KIAA1958: variants seen among roughly 807,000 people sequenced by gnomAD.
KIAA1958 encodes the protein uncharacterized protein KIAA1958.
KIAA1958 carries 14 observed loss-of-function variants against 47.2 expected under a neutral mutation model. The observed-to-expected ratio is 0.30, with a 90% confidence interval of 0.20 to 0.46. The LOEUF (loss-of-function observed/expected upper bound fraction) is 0.46, where lower values mean the gene tolerates loss of function less well. Among genes scored for constraint, KIAA1958 ranks in the 20% least tolerant of loss-of-function variants. KIAA1958 has a pLI of 1.00. For synonymous variants in KIAA1958, 354 were observed against 353.3 expected (o/e 1.00, Z -0.02); for missense variants, 803 against 909.2 (o/e 0.88, Z 1.50).
At position 112,569,322 on chromosome 9, in the gene KIAA1958, A is replaced by T. The variant is rs1835490614; in HGVS notation, c.-24-4735A>T. Among the ~76,000 whole-genome samples, 2 of 152,240 alleles carry T rather than the reference A, an allele frequency of 1.3e-5. 1 individual carries two copies. Among genetic ancestry groups the T allele is most frequent in the Admixed American group, 1.3e-4 (2 of 15,278 alleles). On this transcript the variant is annotated intron_variant, in intron 1 of 3. Coordinates refer to ENST00000337530, the MANE Select transcript of KIAA1958 (RefSeq NM_133465.4). ...AAATTTGGCAGAAGCAATACTGGTG[A>T]TGAAACAGCAACACCATTGCATTAA... is the stretch of plus-strand genomic sequence containing the variant.
In KIAA1958 at chr9:112,665,414, T is replaced by A. The variant is rs1288613608; in HGVS notation, c.*5345T>A. On this transcript the variant is annotated 3_prime_UTR_variant, in exon 4 of 4. Coordinates refer to ENST00000337530, the MANE Select transcript of KIAA1958 (RefSeq NM_133465.4). ...TTATTTCCATTTTACTTATTGAGAA[T>A]CTAGGCTCAGAGGAGTTAAAATTCT... 6.6e-6 allele frequency: 1 copy of A among 152,204 alleles called. No individual in the cohort carries two copies. The highest frequency in any genetic ancestry group is 1.5e-5 in the Non-Finnish European group (1 of 68,032). The allele number at this position is 152,204 out of a possible 1,614,324, so 9.4% of individuals were successfully genotyped here.
chr9:112,499,412 A>G (rs1834096599), intron 1 of KIAA1958, among the ~76,000 whole-genome samples: 1 of 152,208 alleles, frequency 6.6e-6, no homozygotes, highest in African/African-American at 2.4e-5. Context: ...CTACCTTCAC[A>G]GCATTTTAAG....
chr9:112,609,087 G>T (rs1033264396), intron 2 of KIAA1958, among the ~76,000 whole-genome samples: 2 of 152,156 alleles, frequency 1.3e-5, no homozygotes, highest in African/African-American at 4.8e-5. Flanking sequence ...ACAGAAAGAG[G>T]AGCTGAGCAA....
intron 1 of KIAA1958, among the ~76,000 whole-genome samples, chr9:112,552,637 A>G (rs754711607): frequency 2.0e-5 from 3 of 152,252 alleles, no homozygotes; most frequent in Non-Finnish European, 2.9e-5. Flanking sequence ...AATCATCAAC[A>G]TAGTGAATTT....
chr9:112,618,647 G>A lies in KIAA1958; in HGVS notation c.1172-27003G>A. 6.4e-7 allele frequency: 1 copy of A among 1,550,726 alleles called. No individual in the cohort carries two copies. Among genetic ancestry groups the A allele is most frequent in the Non-Finnish European group, 8.7e-7 (1 of 1,147,014 alleles). ...CATCAAGCCAGTCGTGAACCTGGCG[G>A]CTCTGCATTGGTACAACTGCCAGGC... On this transcript the variant is annotated intron_variant, in intron 2 of 3. Transcript: ENST00000337530. This position sits in a 1 kb window ranked among gnomAD's most constrained non-coding sequence, Gnocchi z 7.1.
At chr9:112,559,647 A>G (rs1275085950) in intron 1 of KIAA1958, among the ~76,000 whole-genome samples, 1 of 152,214 alleles carries the variant, frequency 6.6e-6, no homozygotes, top group African/African-American at 2.4e-5. Context: ...TGTATTTTCA[A>G]GCATCGGGGA....
intron 1 of KIAA1958, among the ~76,000 whole-genome samples, chr9:112,491,583 A>G (rs1485774502): frequency 1.3e-5 from 2 of 151,244 alleles, no homozygotes; most frequent in East Asian, 3.9e-4. Flanking sequence ...TTTTTCCTTA[A>G]GAAACCTGCA....
At chr9:112,610,905 G>A (rs919905886) in intron 2 of KIAA1958, among the ~76,000 whole-genome samples, 33 of 151,920 alleles carry the variant, frequency 2.2e-4, no homozygotes, top group Non-Finnish European at 7.4e-5. Context: ...CAAGCAAGTG[G>A]GATTCATAAC....
intron 2 of KIAA1958, among the ~76,000 whole-genome samples, chr9:112,583,520 AG>A (rs1362693975): frequency 1.3e-5 from 2 of 152,224 alleles, no homozygotes; most frequent in African/African-American, 2.4e-5. Flanking sequence ...AGATATGTAC[AG>A]GGGTCTACAG....
chr9:112,653,790 C>T lies in KIAA1958; in HGVS notation c.1345-5473C>T, dbSNP rs542447460. 8.5e-5 allele frequency among the ~76,000 whole-genome samples: 13 copies of T among 152,268 alleles called. No homozygotes were observed. The South Asian group carries it at 2.3e-3, about 27-fold the overall frequency. On this transcript the variant is annotated intron_variant, in intron 3 of 3. Transcript: ENST00000337530. Reference sequence around the variant, plus strand: ...TGGTATGCATCTGTAATCCCAGCTACTCAGGAGGTTGAGGCAAGAGAATCG... The same window carrying T: ...TGGTATGCATCTGTAATCCCAGCTATTCAGGAGGTTGAGGCAAGAGAATCG...
chr9:112,635,892 C>CT (rs1328028812), intron 2 of KIAA1958, among the ~76,000 whole-genome samples: 1 of 151,518 alleles, frequency 6.6e-6, no homozygotes, highest in Non-Finnish European at 1.5e-5. Flanking sequence ...CTTCCTTCTA[C>CT]TTTTTTGGAT....
Position 112,575,139 on chromosome 9 carries a change from T to C in KIAA1958, c.1059T>C (p.Cys353=). 6.2e-7 allele frequency: 1 copy of C among 1,603,154 alleles called. No individual in the cohort carries two copies. The highest frequency in any genetic ancestry group is 8.5e-7 in the Non-Finnish European group (1 of 1,179,890). ...LSHLPSQVSS[C]EVALSPSVNT... ...ATCTGCCCAGCCAGGTCTCCTCCTG[T>C]GAGGTAGCCCTTTCTCCCTCAGTTA... Residue 353 remains cysteine, a synonymous_variant, in exon 2 of 4, where the codon TGT becomes TGC. Coordinates refer to ENST00000337530, the MANE Select transcript of KIAA1958 (RefSeq NM_133465.4).
chr9:112,511,607 C>T (rs1464133313), intron 1 of KIAA1958, among the ~76,000 whole-genome samples: 1 of 152,102 alleles, frequency 6.6e-6, no homozygotes, highest in Non-Finnish European at 1.5e-5. Context: ...AACTCAATGA[C>T]CTCAGGTTTT....
At chr9:112,552,101 T>C (rs545239901) in intron 1 of KIAA1958, among the ~76,000 whole-genome samples, 22 of 152,332 alleles carry the variant, frequency 1.4e-4, no homozygotes, top group Admixed American at 5.9e-4. Flanking sequence ...TGACAGCTTT[T>C]GCCTCATCAT....
intron 1 of KIAA1958, among the ~76,000 whole-genome samples, chr9:112,570,782 T>C (rs1376298153): frequency 2.0e-5 from 3 of 152,228 alleles, no homozygotes; most frequent in Non-Finnish European, 4.4e-5. Flanking sequence ...CATGCGATTA[T>C]GTGGCTGAGA....
At chr9:112,558,174 G>T (rs765775544) in intron 1 of KIAA1958, among the ~76,000 whole-genome samples, 15 of 151,946 alleles carry the variant, frequency 9.9e-5, no homozygotes, top group Non-Finnish European at 1.9e-4. Context: ...ACAGTGAACC[G>T]AGATCGCGCC....
At chr9:112,556,555 C>T (rs761055594) in intron 1 of KIAA1958, among the ~76,000 whole-genome samples, 6 of 152,110 alleles carry the variant, frequency 3.9e-5, no homozygotes, top group Non-Finnish European at 5.9e-5. Context: ...GGCTGTTCTC[C>T]ACCTCCTGTC....
intron 2 of KIAA1958, among the ~76,000 whole-genome samples, chr9:112,615,286 G>A (rs2131214105): frequency 6.6e-6 from 1 of 152,066 alleles, no homozygotes; most frequent in Middle Eastern, 3.4e-3. Flanking sequence ...CAGGCATGAT[G>A]GCGGGTGCCT....
chr9:112,499,055 G>A (rs929837989), intron 1 of KIAA1958, among the ~76,000 whole-genome samples: 1 of 152,176 alleles, frequency 6.6e-6, no homozygotes, highest in South Asian at 2.1e-4. Context: ...TATCCATGTT[G>A]TGGCAAATGG....
Sources: gnomAD v4.1 joint callset for allele counts (sites outside exome capture counted in the v4.1 genomes callset) on GRCh38, gnomAD v4.1.1 for gene constraint, Gnocchi (gnomAD v3.1) non-coding constraint, MANE v1.5 for transcripts, NCBI Gene and HGNC (gene_info 2026-07-23, HGNC 2026-07-21) for gene names.